The following RSBN1L variants were observed in gnomAD, a reference collection of about 807,000 sequenced individuals.
The protein encoded by RSBN1L is lysine-specific demethylase RSBN1L.
Under a neutral mutation model 67.7 loss-of-function variants are expected in RSBN1L, and 30 were observed. The observed-to-expected ratio is 0.44, with a 90% CI of 0.33 to 0.60. The LOEUF is 0.60. RSBN1L is among the 20% of genes least tolerant of loss of function. The probability of loss-of-function intolerance (pLI) is 0.02; values close to 1 mark genes in which losing one functional copy is unlikely to be tolerated. For synonymous variants in RSBN1L, 433 were observed against 387.0 expected (o/e 1.12, Z -1.39); for missense variants, 992 against 1,031.7 (o/e 0.96, Z 0.53).
intron 1 of RSBN1L, among the ~76,000 whole-genome samples, chr7:77,708,966 A>G (rs1790931136): frequency 6.6e-6 from 1 of 152,206 alleles, no homozygotes; most frequent in African/African-American, 2.4e-5. Context: ...ATTCATAGAT[A>G]TTTTCATGGC....
chr7:77,726,846 T>C (rs1584284269), intron 1 of RSBN1L, among the ~76,000 whole-genome samples: 1 of 148,850 alleles, frequency 6.7e-6, no homozygotes, highest in East Asian at 2.0e-4. Context: ...AGTGGTGCGA[T>C]CTCGGCTCAC....
At chr7:77,727,045 T>A (rs1031243432) in intron 1 of RSBN1L, among the ~76,000 whole-genome samples, 1 of 151,270 alleles carries the variant, frequency 6.6e-6, no homozygotes, top group Admixed American at 6.6e-5. Flanking sequence ...CCTCCCAAAG[T>A]GCTGGGATTA....
chr7:77,706,025 A>G (rs1033041502), intron 1 of RSBN1L, among the ~76,000 whole-genome samples: 1 of 149,312 alleles, frequency 6.7e-6, no homozygotes, highest in African/African-American at 2.5e-5. Context: ...CAGCCTCCCA[A>G]GTAGCTGGGA....
intron 1 of RSBN1L, among the ~76,000 whole-genome samples, chr7:77,716,563 G>A (rs971947671): frequency 1.3e-5 from 2 of 150,234 alleles, no homozygotes; most frequent in African/African-American, 2.4e-5. Context: ...ATTAAACTAG[G>A]AGGAAATTAT....
chr7:77,755,402 C>T (rs2150427815), intron 3 of RSBN1L, among the ~76,000 whole-genome samples: 1 of 152,260 alleles, frequency 6.6e-6, no homozygotes, highest in Middle Eastern at 3.4e-3. Flanking sequence ...TGGTGGCTCA[C>T]CCCTGTAATC....
intron 3 of RSBN1L, among the ~76,000 whole-genome samples, chr7:77,761,362 A>G (rs1791695149): frequency 6.6e-6 from 1 of 152,202 alleles, no homozygotes; most frequent in Non-Finnish European, 1.5e-5. Context: ...TTTATGAGCC[A>G]TGGTCTTTGT....
chr7:77,724,489 G>A (rs532573860), intron 1 of RSBN1L, among the ~76,000 whole-genome samples: 24 of 148,138 alleles, frequency 1.6e-4, no homozygotes, highest in Non-Finnish European at 3.0e-4. Context: ...ACACTGGTGC[G>A]CTCTTGGTTC....
chr7:77,705,252 C>G (rs1584273194), intron 1 of RSBN1L, among the ~76,000 whole-genome samples: 1 of 152,214 alleles, frequency 6.6e-6, no homozygotes, highest in East Asian at 1.9e-4. Context: ...TACCTGTTAT[C>G]ATGCAGATTT....
At chr7:77,740,234 A>C (rs1401798207) in intron 2 of RSBN1L, among the ~76,000 whole-genome samples, 1 of 152,230 alleles carries the variant, frequency 6.6e-6, no homozygotes, top group Non-Finnish European at 1.5e-5. Flanking sequence ...CTTATTTTAT[A>C]CTAAAGTTCA....
Position 77,775,080 on chromosome 7 carries a change from C to T in RSBN1L, c.1793+1766C>T, listed in dbSNP as rs139039669. ...ATTTGTATTACTGTTCCTTGCAGAG[C>T]AGGACTAACTCATAGGCAGTATGTC... On this transcript the variant is annotated intron_variant, in intron 6 of 7. Transcript: ENST00000334955. Among the ~76,000 whole-genome samples, 159 of 152,228 alleles carry T rather than the reference C, an allele frequency of 1.0e-3. 2 individuals are homozygous for T. The highest frequency in any genetic ancestry group is 9.7e-3 in the Admixed American group (149 of 15,296).
Position 77,779,865 on chromosome 7 carries a change from T to G in RSBN1L, c.*697T>G, listed in dbSNP as rs1450427830. ...TTTTTTTTGATACGGAGTTTCATTC[T>G]GTCACCAGGCTGGAGTTCAGTGGTG... On this transcript the variant is annotated 3_prime_UTR_variant, in exon 8 of 8. Transcript: ENST00000334955. 2 of 151,548 alleles carry G rather than the reference T, an allele frequency of 1.3e-5. No homozygotes were observed. The highest frequency in any genetic ancestry group is 4.2e-4 in the South Asian group (2 of 4,782). 9.4% of individuals were successfully genotyped at this position (151,548 alleles called of 1,614,324 possible).
At chr7:77,706,477 C>T (rs1437528376) in intron 1 of RSBN1L, among the ~76,000 whole-genome samples, 3 of 152,152 alleles carry the variant, frequency 2.0e-5, no homozygotes, top group Non-Finnish European at 2.9e-5. Flanking sequence ...TCCCAAAGTG[C>T]TGAGATTACA....
Position 77,778,324 on chromosome 7 carries a change from G to GT in RSBN1L, c.1794-10dup. 6.4e-7 allele frequency: 1 copy of GT among 1,562,450 alleles called. No homozygotes were observed. Among genetic ancestry groups the GT allele is most frequent in the African/African-American group, 1.4e-5 (1 of 72,600 alleles). On this transcript the variant is annotated splice_polypyrimidine_tract_variant and intron_variant, in intron 6 of 7. Transcript: ENST00000334955. ...ATTTATGGCAGATTCTTGTTATCTC[G>GT]TTTTCTTTTTTAGGCCTGATCAACC...
At chr7:77,749,116 T>A (rs1228252418) in intron 2 of RSBN1L, among the ~76,000 whole-genome samples, 2 of 152,080 alleles carry the variant, frequency 1.3e-5, no homozygotes, top group Admixed American at 6.5e-5. Context: ...TAGCTGGGCA[T>A]GGTGACGCGC....
intron 1 of RSBN1L, among the ~76,000 whole-genome samples, chr7:77,731,623 TAC>T (rs1791273070): frequency 6.6e-6 from 1 of 152,248 alleles, no homozygotes; most frequent in Non-Finnish European, 1.5e-5. Flanking sequence ...GATACATCTT[TAC>T]CAAGTATTTT....
At chr7:77,768,439 C>T (rs551168863) in intron 4 of RSBN1L, 14 of 494,188 alleles carry the variant, frequency 2.8e-5, no homozygotes, top group African/African-American at 2.7e-4. Flanking sequence ...GGTATAGGGA[C>T]AGAACCATCC....
intron 4 of RSBN1L, 58 bp downstream of exon 4, chr7:77,765,690 C>T: frequency 3.4e-6 from 4 of 1,171,820 alleles, no homozygotes; most frequent in Non-Finnish European, 4.7e-6. Flanking sequence ...GAAGAAAAAC[C>T]AATATGAGTA....
intron 2 of RSBN1L, among the ~76,000 whole-genome samples, chr7:77,745,514 A>G (rs866664294): frequency 3.9e-5 from 6 of 152,226 alleles, no homozygotes; most frequent in South Asian, 2.1e-4. Context: ...TGAGAGAAAC[A>G]TGTAACTTTT....
chr7:77,774,039 G>C (rs1244815979), intron 6 of RSBN1L, among the ~76,000 whole-genome samples: 1 of 152,120 alleles, frequency 6.6e-6, no homozygotes, highest in Non-Finnish European at 1.5e-5. Flanking sequence ...AGCTGAGACT[G>C]ATTTCAATCT....
Sources: gnomAD v4.1 joint callset for allele counts (sites outside exome capture counted in the v4.1 genomes callset) on GRCh38, gnomAD v4.1.1 for gene constraint, MANE v1.5 for transcripts, NCBI Gene and HGNC (gene_info 2026-07-23, HGNC 2026-07-21) for gene names.